The following ESPNL variants were observed in gnomAD, a reference collection of about 807,000 sequenced individuals.
ESPNL encodes the protein espin like.
ESPNL carries 49 observed loss-of-function variants against 46.8 expected under a neutral mutation model. The observed-to-expected ratio is 1.05, with a 90% CI of 0.83 to 1.33. The LOEUF is 1.33. ESPNL is among the 40% of genes most tolerant of loss of function. The pLI, the probability that ESPNL is intolerant of heterozygous loss-of-function variation, is 0.00. For synonymous variants in ESPNL, 664 were observed against 662.1 expected (o/e 1.00, Z -0.04); for missense variants, 1,540 against 1,436.6 (o/e 1.07, Z -1.16).
intron 7 of ESPNL, 139 bp from the exon 8 acceptor site, chr2:238,128,568 G>A: frequency 9.9e-6 from 7 of 704,406 alleles, no homozygotes; most frequent in Non-Finnish European, 1.7e-5. Context: ...TGCTGTCCGT[G>A]GCCCCCACTG....
intron 4 of ESPNL, among the ~76,000 whole-genome samples, chr2:238,116,192 C>G (rs2106469938): frequency 6.6e-6 from 1 of 152,364 alleles, no homozygotes; most frequent in East Asian, 1.9e-4. Context: ...TCCCCCGTCC[C>G]TCTTCCAACT....
chr2:238,102,249 G>A (rs376507173), intron 2 of ESPNL, 118 bp downstream of exon 2: 77 of 897,184 alleles, frequency 8.6e-5, no homozygotes, highest in Middle Eastern at 3.5e-4. Context: ...TCCTGCAGGC[G>A]GGCATGCTGT....
At chr2:238,127,588 G>A in intron 6 of ESPNL, 34 bp from the exon 7 acceptor site, 3 of 1,561,422 alleles carry the variant, frequency 1.9e-6, no homozygotes, top group Non-Finnish European at 2.6e-6. Context: ...CCCAGCCCTT[G>A]CCCTTTCTGC....
In ESPNL at chr2:238,127,719, C is replaced by T. The variant is rs1692172989; in HGVS notation, c.1200C>T (p.Ala400=). The T allele has an allele frequency of 5.6e-6, 9 of 1,610,664 alleles. No homozygotes were observed. Among genetic ancestry groups the T allele is most frequent in the Non-Finnish European group, 7.6e-6 (9 of 1,178,784 alleles). Residue 400 remains alanine (A), a synonymous_variant, in exon 7 of 9, where the codon GCC becomes GCT. Transcript: ENST00000343063. ...CCCCTCCGAGGATCATCACCAGTGC[C>T]ACGGCTGACCCCGAGGTTCGTCCTC... ...SPAPPRIITS[A]TADPEGTETA...
At chr2:238,104,608 C>T (rs1376771944) in intron 2 of ESPNL, 48 bp from the exon 3 acceptor site, 3 of 1,496,398 alleles carry the variant, frequency 2.0e-6, no homozygotes, top group Non-Finnish European at 2.7e-6. Context: ...GAGGGATGGG[C>T]TCAGCCATAG....
At chr2:238,111,446 C>T (rs147248490) in intron 4 of ESPNL, among the ~76,000 whole-genome samples, 1 of 152,136 alleles carries the variant, frequency 6.6e-6, no homozygotes, top group Admixed American at 6.5e-5. Flanking sequence ...TCTCCGTCTC[C>T]CTTATCTCCC....
chr2:238,106,442 C>G (rs1269911872), intron 3 of ESPNL, among the ~76,000 whole-genome samples: 1 of 152,230 alleles, frequency 6.6e-6, no homozygotes, highest in African/African-American at 2.4e-5. Flanking sequence ...CTGAATTGGC[C>G]TCTAGCCTCC....
At chr2:238,117,834 A>C (rs1691850125) in intron 5 of ESPNL, among the ~76,000 whole-genome samples, 1 of 152,072 alleles carries the variant, frequency 6.6e-6, no homozygotes, top group African/African-American at 2.4e-5. Flanking sequence ...TGGGGCAGGG[A>C]GGCCAAAGGA....
At chr2:238,105,781 A>C (rs1276586344) in intron 3 of ESPNL, among the ~76,000 whole-genome samples, 1 of 152,024 alleles carries the variant, frequency 6.6e-6, no homozygotes, top group African/African-American at 2.4e-5. Context: ...GAGCAGTAGG[A>C]TCTGACTGGC....
In ESPNL at chr2:238,100,601, T is replaced by G; in HGVS notation, c.182T>G (p.Leu61Arg). 6.6e-7 allele frequency: 1 copy of G among 1,521,568 alleles called. No homozygotes were observed. Among genetic ancestry groups the G allele is most frequent in the Non-Finnish European group, 8.8e-7 (1 of 1,138,820 alleles). The allele number at this position is 1,521,568 out of a possible 1,614,324, so 94.3% of individuals were successfully genotyped here. Reference sequence around the variant, plus strand: ...AAGTTCTTGGTGCAGCGGGCCCAGCTGCCCGGCAACCAGCGGGCCCACAAC... The same window carrying G: ...AAGTTCTTGGTGCAGCGGGCCCAGCGGCCCGGCAACCAGCGGGCCCACAAC... Reference protein sequence around the residue: ...CVKFLVQRAQLPGNQRAHNGA... With the variant: ...CVKFLVQRAQRPGNQRAHNGA... Residue 61 changes from leucine to arginine, a missense_variant, in exon 1 of 9, where the codon CTG becomes CGG. Physicochemically the swap from Leu to Arg is moderately radical, Grantham distance 102. Transcript: ENST00000343063.
At chr2:238,101,132 G>C (rs1032276142) in intron 1 of ESPNL, among the ~76,000 whole-genome samples, 1 of 152,180 alleles carries the variant, frequency 6.6e-6, no homozygotes, top group East Asian at 1.9e-4. Context: ...GATGGTGATC[G>C]TCTTGTCCGG....
chr2:238,126,432 CTGTG>C (rs900670701), intron 6 of ESPNL, among the ~76,000 whole-genome samples: 1 of 146,802 alleles, frequency 6.8e-6, no homozygotes, highest in South Asian at 2.2e-4. Flanking sequence ...GTTTGTGTGT[CTGTG>C]TCAGTGTGTG....
chr2:238,123,696 A>G (rs1692036948), intron 5 of ESPNL, among the ~76,000 whole-genome samples: 1 of 152,160 alleles, frequency 6.6e-6, no homozygotes, highest in Non-Finnish European at 1.5e-5. Flanking sequence ...GTCCCAGGAC[A>G]GCTGTGCTCC....
intron 5 of ESPNL, among the ~76,000 whole-genome samples, chr2:238,124,524 C>T (rs1692054291): frequency 1.3e-5 from 2 of 151,914 alleles, no homozygotes; most frequent in South Asian, 4.2e-4. Flanking sequence ...TCAGGGCAGT[C>T]GGGGAGGGGG....
chr2:238,106,375 C>T (rs1378968389), intron 3 of ESPNL, among the ~76,000 whole-genome samples: 1 of 152,156 alleles, frequency 6.6e-6, no homozygotes, highest in African/African-American at 2.4e-5. Context: ...GCCTGCTCCC[C>T]GTGGCCCCAA....
intron 5 of ESPNL, among the ~76,000 whole-genome samples, chr2:238,123,423 A>C (rs1049865455): frequency 6.6e-6 from 1 of 151,546 alleles, no homozygotes; most frequent in African/African-American, 2.4e-5. Context: ...CAATTTCCCC[A>C]TCTGTGCCCT....
At chr2:238,109,410 A>G (rs1691668687) in intron 4 of ESPNL, among the ~76,000 whole-genome samples, 2 of 152,228 alleles carry the variant, frequency 1.3e-5, no homozygotes, top group East Asian at 3.8e-4. Flanking sequence ...AACACACAAC[A>G]GCGTGTCATC....
Position 238,129,641 on chromosome 2 carries a change from C to T in ESPNL, c.1414-487C>T, listed in dbSNP as rs146794264. On this transcript the variant is annotated intron_variant, in intron 8 of 8. Transcript: ENST00000343063. ...CAGACAGGAGTTCAGGAATTATGTC[C>T]TCAGAGTCCTATGATTTTGTCAAGA... Among the ~76,000 whole-genome samples the T allele has an allele frequency of 9.8e-5, 15 of 152,348 alleles. No homozygotes were observed. The South Asian group carries it at 1.7e-3, about 17-fold the overall frequency.
chr2:238,127,324 G>A lies in ESPNL; in HGVS notation c.1103-298G>A, dbSNP rs186635580. 1.7e-5 allele frequency: 20 copies of A among 1,210,626 alleles called. 1 individual carries two copies. In the Admixed American group the frequency reaches 6.2e-4, roughly 37 times the overall value. The allele number at this position is 1,210,626 out of a possible 1,614,324, so 75.0% of individuals were successfully genotyped here. A position where few individuals can be genotyped will look rare whatever the true frequency, so the allele number is the denominator to read the frequency against. Reference sequence around the variant, plus strand: ...CCAGCTTTGGGGCCTGCAGAGCTGCGTTAGGGGCGGCCTCAAGCCCTTCCC... The same window carrying A: ...CCAGCTTTGGGGCCTGCAGAGCTGCATTAGGGGCGGCCTCAAGCCCTTCCC... On this transcript the variant is annotated intron_variant, in intron 6 of 8. Coordinates refer to ENST00000343063, the MANE Select transcript of ESPNL (RefSeq NM_194312.4).
Sources: allele counts gnomAD v4.1 joint callset (sites outside exome capture counted in the v4.1 genomes callset), GRCh38; gene constraint gnomAD v4.1.1; transcripts MANE v1.5; gene names NCBI Gene and HGNC (gene_info 2026-07-23, HGNC 2026-07-21).